The following ACHE variants were observed in gnomAD, a reference collection of about 807,000 sequenced individuals.
The protein encoded by ACHE is acetylcholinesterase (Yt blood group), also known as acetylcholinesterase.
In ACHE, 19 loss-of-function variants were observed where a neutral mutation model predicts 53.9. The ratio of observed to expected loss-of-function variants is 0.35; its 90% confidence interval spans 0.25 to 0.52. The LOEUF (loss-of-function observed/expected upper bound fraction) is 0.52. ACHE is among the 20% of genes least tolerant of loss of function. The pLI, the probability that ACHE is intolerant of heterozygous loss-of-function variation, is 0.95. For missense variants in ACHE, 605 were observed against 849.4 expected (o/e 0.71, Z 3.58); for synonymous variants, 392 against 378.1 (o/e 1.04, Z -0.43).
At chr7:100,895,255 C>T (rs1790977068) in intron 1 of ACHE, among the ~76,000 whole-genome samples, 1 of 152,160 alleles carries the variant, frequency 6.6e-6, no homozygotes, top group Admixed American at 6.5e-5. Flanking sequence ...CCGCCCTGAG[C>T]GGGGGGTGGT....
Position 100,894,119 on chromosome 7 carries a change from C to T in ACHE, c.114G>A (p.Glu38=). Residue 38 remains glutamate (E), a synonymous_variant, in exon 2 of 5, where the codon GAG becomes GAA. Transcript: ENST00000241069. ...GVGAEGREDA[E]LLVTVRGGRL... is the part of the protein sequence containing the mutation. Reference sequence around the variant, plus strand: ...GGCCCCCACGCACCGTCACCAGCAGCTCTGCATCCTCCCGGCCCTCAGCCC... The same window carrying T: ...GGCCCCCACGCACCGTCACCAGCAGTTCTGCATCCTCCCGGCCCTCAGCCC... The T allele has an allele frequency of 6.7e-7, 1 of 1,500,352 alleles. No individual in the cohort carries two copies. Among genetic ancestry groups the T allele is most frequent in the Non-Finnish European group, 8.9e-7 (1 of 1,128,148 alleles). 92.9% of individuals were successfully genotyped at this position (1,500,352 alleles called of 1,614,324 possible). A position where few individuals can be genotyped will look rare whatever the true frequency, so the allele number is the denominator to read the frequency against.
intron 1 of ACHE, 46 bp from the exon 2 acceptor site, chr7:100,894,298 C>A (rs1790906408): frequency 7.5e-7 from 1 of 1,335,608 alleles, no homozygotes; most frequent in Non-Finnish European, 9.8e-7. Context: ...GGTCGAGAAG[C>A]CAGGAGGGAG....
At chr7:100,891,843 C>T (rs1301076123) in intron 3 of ACHE, among the ~76,000 whole-genome samples, 1 of 138,372 alleles carries the variant, frequency 7.2e-6, no homozygotes, top group East Asian at 2.5e-4. Context: ...TGCAGTGGTG[C>T]CATCATAGCT....
At position 100,893,819 on chromosome 7, in the gene ACHE, C is replaced by A; in HGVS notation, c.414G>T (p.Arg138=). Residue 138 remains arginine, a synonymous_variant, in exon 2 of 5, where the codon CGG becomes CGT. Transcript: ENST00000241069. The part of the protein sequence containing the change: ...LYLNVWTPYP[R]PTSPTPVLVW... ...CGAGGACAGGGGTGGGGGATGTAGG[C>A]CGGGGGTATGGTGTCCACACGTTGA... is the stretch of plus-strand genomic sequence containing the variant. 1.2e-6 allele frequency: 2 copies of A among 1,613,350 alleles called. No individual in the cohort carries two copies. Among genetic ancestry groups the A allele is most frequent in the Non-Finnish European group, 1.7e-6 (2 of 1,179,772 alleles).
At position 100,890,025 on chromosome 7, in the gene ACHE, G is replaced by A. The variant is rs1563031943; in HGVS notation, c.*189C>T. The A allele has an allele frequency of 1.4e-5, 9 of 636,726 alleles. No homozygotes were observed. The highest frequency in any genetic ancestry group is 8.9e-4 in the Middle Eastern group (2 of 2,242). 39.4% of individuals were successfully genotyped at this position (636,726 alleles called of 1,614,324 possible). On this transcript the variant is annotated 3_prime_UTR_variant, in exon 5 of 5. Coordinates refer to ENST00000241069, the MANE Select transcript of ACHE (RefSeq NM_000665.5). ...TAACAGTTTATTGGCAGCCCAGAGGGGCGAAGGCACCGCGGGGGAGGGAGC... is the reference window on the plus strand; with the variant it reads ...TAACAGTTTATTGGCAGCCCAGAGGAGCGAAGGCACCGCGGGGGAGGGAGC...
rs749635970 is a variant in ACHE, at chr7:100,891,181, G to A, written c.1711C>T (p.Leu571Phe). ...GGCCCCTGCATACCGGTGGCGCTGA[G>A]CAATTTGGGGAGGAAGCGGTTCCAG... ...AFWNRFLPKLLSATDTLDEAE... is the reference protein window; with the variant it reads ...AFWNRFLPKLFSATDTLDEAE... Residue 571 changes from leucine (L) to phenylalanine (F), a missense_variant, in exon 4 of 5, where the codon CTC (leucine) becomes TTC (phenylalanine). Physicochemically the swap from Leu to Phe is conservative, Grantham distance 22. This residue lies in a region of ACHE where 91 missense variants were observed against 83.2 expected (regional missense o/e 1.09). Transcript: ENST00000241069. 6.2e-7 allele frequency: 1 copy of A among 1,607,226 alleles called. No individual in the cohort carries two copies. The highest frequency in any genetic ancestry group is 1.1e-5 in the South Asian group (1 of 90,462).
chr7:100,893,532 C>T lies in ACHE; in HGVS notation c.701G>A (p.Ser234Asn). 6.2e-7 allele frequency: 1 copy of T among 1,610,478 alleles called. No individual in the cohort carries two copies. Among genetic ancestry groups the T allele is most frequent in the Non-Finnish European group, 8.5e-7 (1 of 1,179,990 alleles). The change falls in exon 2 of 5, where the codon AGC becomes AAC. Residue 234 changes from serine to asparagine, a missense_variant. Transcript: ENST00000241069. ...DPTSVTLFGE[S>N]AGAASVGMHL... ...CATGCCCACCGAGGCGGCTCCCGCGCTCTCCCCAAACAGCGTCACTGATGT... is the reference window on the plus strand; with the variant it reads ...CATGCCCACCGAGGCGGCTCCCGCGTTCTCCCCAAACAGCGTCACTGATGT...
chr7:100,895,440 G>A (rs1300243080), intron 1 of ACHE, among the ~76,000 whole-genome samples: 1 of 152,182 alleles, frequency 6.6e-6, no homozygotes, highest in Non-Finnish European at 1.5e-5. Flanking sequence ...GTGGCCCTGG[G>A]GATGGGGGTG....
chr7:100,890,794 A>C (rs1790630405), intron 4 of ACHE: 2 of 1,355,240 alleles, frequency 1.5e-6, no homozygotes, highest in Non-Finnish European at 1.9e-6. Context: ...GTCCCTGAGA[A>C]GGGTGGGAGG....
intron 4 of ACHE, chr7:100,890,968 C>A: frequency 1.4e-6 from 2 of 1,467,410 alleles, no homozygotes; most frequent in East Asian, 2.4e-5. Context: ...TCACAGCCGC[C>A]GGAGGTGGGA....
At chr7:100,891,780 TCCC>T (rs1415418836) in intron 3 of ACHE, among the ~76,000 whole-genome samples, 10 of 126,366 alleles carry the variant, frequency 7.9e-5, no homozygotes, top group African/African-American at 2.4e-4. Flanking sequence ...TGTCTTGGTC[TCCC>T]TTTTTTTTTT....
At chr7:100,894,428 G>C (rs1049123213) in intron 1 of ACHE, 176 bp from the exon 2 acceptor site, 34 of 470,402 alleles carry the variant, frequency 7.2e-5, no homozygotes, top group Non-Finnish European at 1.1e-4. Context: ...CAAGGACACA[G>C]GCCAGCGGGC....
chr7:100,895,211 C>A lies in ACHE; in HGVS notation c.-21+591G>T, dbSNP rs181944153. ...AAAATTCCCCGGGTGGGAACTCCCC[C>A]CTCTCCCGCCGGTCACTCCTAGCCC... On this transcript the variant is annotated intron_variant, in intron 1 of 4. Transcript: ENST00000241069. Among the ~76,000 whole-genome samples, 260 of 152,308 alleles carry A rather than the reference C, an allele frequency of 1.7e-3. 1 individual carries two copies. The highest frequency in any genetic ancestry group is 6.0e-3 in the African/African-American group (250 of 41,582).
At chr7:100,890,919 G>A (rs1475849865) in intron 4 of ACHE, 4 of 1,475,786 alleles carry the variant, frequency 2.7e-6, no homozygotes, top group South Asian at 1.4e-5. Flanking sequence ...CCACTCATTA[G>A]AGGAGGGGCC....
chr7:100,895,892 C>G (rs1303343729), upstream of ACHE: 5 of 151,866 alleles, frequency 3.3e-5, no homozygotes, highest in Non-Finnish European at 5.9e-5. Flanking sequence ...CTCTGACAGC[C>G]GCCGCCTCCG....
chr7:100,896,585 A>G, upstream of ACHE: 1 of 264,802 alleles, frequency 3.8e-6, no homozygotes, highest in Non-Finnish European at 8.1e-6. Context: ...TAGCACGCGC[A>G]AGGCTGCTGG....
In ACHE at chr7:100,894,250, C is replaced by A. The variant is rs1005165652; in HGVS notation, c.-18G>T. On this transcript the variant is annotated splice_region_variant and 5_prime_UTR_variant, in exon 2 of 5. Transcript: ENST00000241069. ...GGCCTCATGGCTGCAGGGCAGGCGG[C>A]GTCTGCTGGGAGAAAGAAAGGGAAA... is the stretch of plus-strand genomic sequence containing the variant. The A allele has an allele frequency of 6.4e-6, 9 of 1,405,054 alleles. No homozygotes were observed. The highest frequency in any genetic ancestry group is 1.6e-5 in the South Asian group (1 of 63,330). 87.0% of individuals were successfully genotyped at this position (1,405,054 alleles called of 1,614,324 possible). A position where few individuals can be genotyped will look rare whatever the true frequency, so the allele number is the denominator to read the frequency against.
Position 100,891,326 on chromosome 7 carries a change from C to T in ACHE, c.1566G>A (p.Glu522=). 6.4e-7 allele frequency: 1 copy of T among 1,559,964 alleles called. No individual in the cohort carries two copies. Among genetic ancestry groups the T allele is most frequent in the Non-Finnish European group, 8.7e-7 (1 of 1,155,944 alleles). Residue 522 remains glutamate, a synonymous_variant, in exon 4 of 5, where the codon GAG becomes GAA. Transcript: ENST00000241069. ...ATTGTGGGGCCTTGGGGTCTCGGGGCTCATTGGGATCCCTGCGGAAGGAAG... is the reference window on the plus strand; with the variant it reads ...ATTGTGGGGCCTTGGGGTCTCGGGGTTCATTGGGATCCCTGCGGAAGGAAG... ...ANFARTGDPN[E]PRDPKAPQWP...
intron 4 of ACHE, chr7:100,890,936 G>A (rs1396846986): frequency 2.0e-6 from 3 of 1,471,784 alleles, no homozygotes; most frequent in South Asian, 2.9e-5. Context: ...GGCCCCTGTG[G>A]CCGTAGGGGA....
Sources: gnomAD v4.1 joint callset for allele counts (sites outside exome capture counted in the v4.1 genomes callset) on GRCh38, gnomAD v4.1.1 for gene constraint, gnomAD v4.1.1 regional missense constraint, MANE v1.5 for transcripts, NCBI Gene and HGNC (gene_info 2026-07-23, HGNC 2026-07-21) for gene names.